Variants in GRM1 observed in about 807,000 individuals in gnomAD.
GRM1 encodes the protein metabotropic glutamate receptor 1.
GRM1 carries 33 observed loss-of-function variants against 90.9 expected under a neutral mutation model. That is an observed-to-expected ratio of 0.36 (90% CI 0.28 to 0.49). GRM1 has a LOEUF of 0.49. Among genes scored for constraint, GRM1 ranks in the 20% least tolerant of loss-of-function variants. The probability of loss-of-function intolerance (pLI) is 0.99; values close to 1 mark genes in which losing one functional copy is unlikely to be tolerated. For synonymous variants in GRM1, 700 were observed against 613.2 expected (o/e 1.14, Z -2.09); for missense variants, 1,190 against 1,534.3 (o/e 0.78, Z 3.75).
intron 2 of GRM1, among the ~76,000 whole-genome samples, chr6:146,286,742 T>C (rs1351913809): frequency 2.0e-5 from 3 of 152,234 alleles, no homozygotes; most frequent in Admixed American, 2.0e-4. Flanking sequence ...AAAAACCTGG[T>C]TCAACTGACA....
intron 7 of GRM1, among the ~76,000 whole-genome samples, chr6:146,408,860 T>C (rs759654325): frequency 5.9e-5 from 9 of 152,234 alleles, no homozygotes; most frequent in Middle Eastern, 3.4e-3. Flanking sequence ...TAAAGTGTTA[T>C]CAACTTAAAA....
At chr6:146,291,781 CA>C (rs966764179) in intron 2 of GRM1, among the ~76,000 whole-genome samples, 2 of 151,834 alleles carry the variant, frequency 1.3e-5, no homozygotes, top group Non-Finnish European at 2.9e-5. Flanking sequence ...TATTAAATTC[CA>C]ACAACTGTTT....
intron 2 of GRM1, among the ~76,000 whole-genome samples, chr6:146,176,280 C>T (rs1997767): frequency 0.25 from 37,290 of 151,812 alleles, 7,929 homozygotes; most frequent in African/African-American, 0.58. Flanking sequence ...GGTTTTGAAA[C>T]ACCTATTAGG....
rs182487562 is a variant in GRM1, at chr6:146,212,092, A to G, written c.950+52495A>G. On this transcript the variant is annotated intron_variant, in intron 2 of 7. Coordinates refer to ENST00000282753, the MANE Select transcript of GRM1 (RefSeq NM_001278064.2). Reference sequence around the variant, plus strand: ...AGGGAAGCCTCAACTCTACTTTAACATGTATTAACTGAGGGAATCAGGTCC... The same window carrying G: ...AGGGAAGCCTCAACTCTACTTTAACGTGTATTAACTGAGGGAATCAGGTCC... 1.9e-3 allele frequency among the ~76,000 whole-genome samples: 293 copies of G among 152,314 alleles called. 2 individuals carry two copies. The highest frequency in any genetic ancestry group is 6.5e-3 in the African/African-American group (270 of 41,578).
intron 3 of GRM1, among the ~76,000 whole-genome samples, chr6:146,350,633 G>A (rs1029521534): frequency 1.3e-5 from 2 of 152,160 alleles, no homozygotes; most frequent in African/African-American, 4.8e-5. Context: ...GGGAGAGAAA[G>A]AAAACCAACA....
intron 2 of GRM1, among the ~76,000 whole-genome samples, chr6:146,277,305 C>G (rs1414678627): frequency 6.6e-6 from 1 of 152,168 alleles, no homozygotes; most frequent in Admixed American, 6.6e-5. Flanking sequence ...TGGAATGCCC[C>G]TTGGTAGCTC....
intron 2 of GRM1, among the ~76,000 whole-genome samples, chr6:146,166,728 G>C (rs1777921006): frequency 6.6e-6 from 1 of 152,014 alleles, no homozygotes. Flanking sequence ...TACCAATGAA[G>C]TTTCTCTTGC....
intron 5 of GRM1, among the ~76,000 whole-genome samples, chr6:146,362,695 A>G (rs1775535820): frequency 6.7e-6 from 1 of 149,768 alleles, no homozygotes; most frequent in Admixed American, 6.7e-5. Flanking sequence ...AAGACATTTC[A>G]TCTGATTTTT....
intron 1 of GRM1, among the ~76,000 whole-genome samples, chr6:146,093,236 A>G (rs1161585754): frequency 2.0e-5 from 3 of 152,106 alleles, no homozygotes; most frequent in Non-Finnish European, 2.9e-5. Flanking sequence ...CTAAATAACT[A>G]TGTAAGATTG....
Position 146,386,886 on chromosome 6 carries a change from A to G in GRM1, c.1603-4A>G. On this transcript the variant is annotated splice_region_variant and splice_polypyrimidine_tract_variant and intron_variant, in intron 5 of 7. Transcript: ENST00000282753. ...TTAAAATTCATGAAATATCTATGTT[A>G]TAGGTTATACGGAAAGGAGAAGTGA... is the stretch of plus-strand genomic sequence containing the variant. 2 of 1,604,182 alleles carry G rather than the reference A, an allele frequency of 1.2e-6. No individual in the cohort carries two copies. Among genetic ancestry groups the G allele is most frequent in the South Asian group, 2.2e-5 (2 of 90,894 alleles).
intron 7 of GRM1, among the ~76,000 whole-genome samples, chr6:146,414,377 T>TTTATTA (rs56297907): frequency 0.23 from 34,024 of 145,222 alleles, 4,142 homozygotes; most frequent in Middle Eastern, 0.26. Flanking sequence ...CCGTTTGCCT[T>TTTATTA]TTATTATTAT....
chr6:146,226,123 C>T (rs889381528), intron 2 of GRM1, among the ~76,000 whole-genome samples: 1 of 152,108 alleles, frequency 6.6e-6, no homozygotes, highest in Non-Finnish European at 1.5e-5. Context: ...TCATGATTGG[C>T]TAAGGGATAG....
At chr6:146,218,410 ACAACTT>A (rs1376986023) in intron 2 of GRM1, among the ~76,000 whole-genome samples, 45 of 152,340 alleles carry the variant, frequency 3.0e-4, no homozygotes, top group African/African-American at 9.6e-4. Context: ...GATACAAAGT[ACAACTT>A]TTAAAATATT....
Position 146,029,767 on chromosome 6 carries a change from C to T in GRM1, c.250C>T (p.His84Tyr), listed in dbSNP as rs779226659. Reference protein sequence around the residue: ...YGIQRVEAMFHTLDKINADPV... With the variant: ...YGIQRVEAMFYTLDKINADPV... ...CATCCAGAGGGTGGAGGCCATGTTC[C>T]ACACGTTGGATAAGATCAACGCGGA... The change falls in exon 1 of 8, where the codon CAC becomes TAC. Residue 84 changes from histidine to tyrosine, a missense_variant. By Grantham distance (83) the His-to-Tyr change is moderately conservative. Coordinates refer to ENST00000282753, the MANE Select transcript of GRM1 (RefSeq NM_001278064.2). 11 of 1,613,956 alleles carry T rather than the reference C, an allele frequency of 6.8e-6. No homozygotes were observed. In the African/African-American group the frequency reaches 1.3e-4, roughly 20 times the overall value.
At chr6:146,409,243 G>A (rs1017436451) in intron 7 of GRM1, among the ~76,000 whole-genome samples, 3 of 152,152 alleles carry the variant, frequency 2.0e-5, no homozygotes, top group African/African-American at 7.2e-5. Context: ...CGCATGGTGA[G>A]TCTAAGGATA....
chr6:146,344,963 C>G (rs145372691), intron 3 of GRM1, among the ~76,000 whole-genome samples: 2,488 of 152,200 alleles, frequency 0.016, 33 homozygotes, highest in Non-Finnish European at 0.026. Flanking sequence ...AGGCATGCCC[C>G]AATATGCCTG....
At chr6:146,094,420 GT>G (rs377545176) in intron 1 of GRM1, among the ~76,000 whole-genome samples, 1 of 152,034 alleles carries the variant, frequency 6.6e-6, no homozygotes, top group African/African-American at 2.4e-5. Context: ...TATCATACTT[GT>G]AATTATTAGC....
At chr6:146,328,139 A>G (rs889992351) in intron 3 of GRM1, among the ~76,000 whole-genome samples, 3 of 152,188 alleles carry the variant, frequency 2.0e-5, no homozygotes, top group African/African-American at 7.2e-5. Context: ...TACCTTTTCT[A>G]TGCATTTCTA....
chr6:146,115,221 T>TACACAC (rs67497002), intron 1 of GRM1, among the ~76,000 whole-genome samples: 2 of 148,574 alleles, frequency 1.3e-5, no homozygotes, highest in African/African-American at 2.5e-5. Flanking sequence ...ATTAAATGCA[T>TACACAC]ACACACACAC....
Sources: allele counts gnomAD v4.1 joint callset (sites outside exome capture counted in the v4.1 genomes callset), GRCh38; gene constraint gnomAD v4.1.1; transcripts MANE v1.5; gene names NCBI Gene and HGNC (gene_info 2026-07-23, HGNC 2026-07-21).